Variants in INSR observed in about 807,000 individuals in gnomAD.
The protein encoded by INSR is IR.
In INSR, 67 loss-of-function variants were observed where a neutral mutation model predicts 142.6. That is an observed-to-expected ratio of 0.47 (90% CI 0.39 to 0.58). The LOEUF (loss-of-function observed/expected upper bound fraction) is 0.58. INSR is among the 20% of genes least tolerant of loss of function. The probability of loss-of-function intolerance (pLI) is 0.00; values close to 1 mark genes in which losing one functional copy is unlikely to be tolerated. For missense variants in INSR, 1,248 were observed against 1,833.2 expected, an observed-to-expected ratio of 0.68 and a Z score of 5.83; for synonymous variants, 756 against 743.1, an observed-to-expected ratio of 1.02 and a Z score of -0.28.
At chr19:7,122,478 AC>A in intron 19 of INSR, 135 bp downstream of exon 19, 1 of 936,160 alleles carries the variant, frequency 1.1e-6, no homozygotes, top group Non-Finnish European at 1.6e-6. Flanking sequence ...AACAAAAAAA[AC>A]CCCACAAAAA....
chr19:7,222,069 T>A (rs571664792), intron 2 of INSR, among the ~76,000 whole-genome samples: 2 of 147,924 alleles, frequency 1.4e-5, no homozygotes, highest in Non-Finnish European at 3.0e-5. Flanking sequence ...TGGGAAAGGC[T>A]AAGTCAGAGT....
In INSR at chr19:7,119,663, C is replaced by A. The variant is rs1346793871; in HGVS notation, c.3660-80G>T. The A allele has an allele frequency of 1.9e-5, 28 of 1,482,750 alleles. No individual in the cohort carries two copies. Among genetic ancestry groups the A allele is most frequent in the Non-Finnish European group, 2.6e-5 (28 of 1,073,616 alleles). 91.8% of individuals were successfully genotyped at this position (1,482,750 alleles called of 1,614,324 possible). On this transcript the variant is annotated intron_variant, in intron 20 of 21. Transcript: ENST00000302850. This position sits in a 1 kb window ranked among gnomAD's most constrained non-coding sequence, Gnocchi z 5.2. ...ACGCGCGCGCGCAAACACACACACG[C>A]AAACGCACACACACACGCAAACACA...
chr19:7,206,953 A>G (rs1051673050), intron 2 of INSR, among the ~76,000 whole-genome samples: 6 of 152,162 alleles, frequency 3.9e-5, no homozygotes, highest in African/African-American at 1.4e-4. Context: ...CTAAAAGGGA[A>G]AACACAAAAT....
At chr19:7,184,176 A>T (rs1177650374) in intron 3 of INSR, 140 bp downstream of exon 3, 1 of 744,444 alleles carries the variant, frequency 1.3e-6, no homozygotes. Flanking sequence ...AGGGTGCAAA[A>T]GTAGCATCTG....
chr19:7,142,774 T>C, intron 12 of INSR, 42 bp downstream of exon 12: 1 of 1,610,756 alleles, frequency 6.2e-7, no homozygotes, highest in Non-Finnish European at 8.5e-7. Flanking sequence ...TCAGCCTTGA[T>C]GTCCCACCCA....
At chr19:7,123,146 C>T in intron 17 of INSR, 157 bp from the exon 18 acceptor site, 1 of 645,664 alleles carries the variant, frequency 1.5e-6, no homozygotes, top group Non-Finnish European at 2.8e-6. Context: ...CCTGCCCGGA[C>T]AGCAGACAGA....
intron 2 of INSR, among the ~76,000 whole-genome samples, chr19:7,213,881 C>T (rs900378190): frequency 1.3e-5 from 2 of 151,496 alleles, no homozygotes; most frequent in African/African-American, 2.4e-5. Flanking sequence ...CTCAGCTACG[C>T]GGGAGGGCTG....
chr19:7,140,203 G>A (rs978174679), intron 13 of INSR, among the ~76,000 whole-genome samples: 1 of 152,134 alleles, frequency 6.6e-6, no homozygotes, highest in African/African-American at 2.4e-5. Context: ...TCCCAGGAGG[G>A]GTAGAGGGAG....
intron 2 of INSR, among the ~76,000 whole-genome samples, chr19:7,218,218 TG>T (rs1975496424): frequency 6.6e-6 from 1 of 151,632 alleles, no homozygotes; most frequent in South Asian, 2.1e-4. Context: ...GCAACCAGTG[TG>T]GGGTGGGAGT....
At chr19:7,256,054 C>T (rs1976881754) in intron 2 of INSR, among the ~76,000 whole-genome samples, 1 of 152,116 alleles carries the variant, frequency 6.6e-6, no homozygotes, top group Non-Finnish European at 1.5e-5. Flanking sequence ...TCCTGCTCTA[C>T]AAAATCCAAT....
At chr19:7,292,808 G>A (rs1239475744) in intron 1 of INSR, among the ~76,000 whole-genome samples, 1 of 152,142 alleles carries the variant, frequency 6.6e-6, no homozygotes, top group African/African-American at 2.4e-5. Context: ...CTGCCCACAC[G>A]TGGGAGAGGG....
chr19:7,199,768 T>C (rs764233605), intron 2 of INSR, among the ~76,000 whole-genome samples: 25 of 151,888 alleles, frequency 1.6e-4, no homozygotes. Flanking sequence ...TCTGACACCC[T>C]CTTGGCATTG....
At chr19:7,121,822 A>G (rs971920665) in intron 19 of INSR, among the ~76,000 whole-genome samples, 1 of 152,224 alleles carries the variant, frequency 6.6e-6, no homozygotes, top group Non-Finnish European at 1.5e-5. Flanking sequence ...ATGCAATTAA[A>G]TGACAGCTGG....
intron 2 of INSR, among the ~76,000 whole-genome samples, chr19:7,190,369 GTTTTTT>G (rs34757652): frequency 3.9e-5 from 4 of 102,714 alleles, no homozygotes; most frequent in Admixed American, 2.1e-4. Context: ...TTCTTTGGTG[GTTTTTT>G]TTTTTTTTTT....
rs1973689987 is a variant in INSR at position 7,159,253 on chromosome 19, CA to C, written c.2029+3778del. Reference sequence around the variant, plus strand: ...AGTTCTGTGGTATTAAGTGCATTCACAATGTTGTGCAATCATCACCACCATC... The same window carrying C: ...AGTTCTGTGGTATTAAGTGCATTCACATGTTGTGCAATCATCACCACCATC... On this transcript the variant is annotated intron_variant, in intron 9 of 21. Coordinates refer to ENST00000302850, the MANE Select transcript of INSR (RefSeq NM_000208.4). This position sits in a 1 kb window ranked among gnomAD's most constrained non-coding sequence, Gnocchi z 4.3. Among the ~76,000 whole-genome samples, 1 of 152,038 alleles carries C rather than the reference CA, an allele frequency of 6.6e-6. No homozygotes were observed. The highest frequency in any genetic ancestry group is 2.1e-4 in the South Asian group (1 of 4,820).
chr19:7,121,000 C>CT (rs111619369), intron 19 of INSR, among the ~76,000 whole-genome samples: 40 of 147,342 alleles, frequency 2.7e-4, no homozygotes, highest in South Asian at 4.3e-4. Context: ...CTACATTTTT[C>CT]TTTTTTTTTT....
chr19:7,190,546 ATTT>A (rs1219250117), intron 2 of INSR, among the ~76,000 whole-genome samples: 1 of 151,802 alleles, frequency 6.6e-6, no homozygotes, highest in Non-Finnish European at 1.5e-5. Context: ...TAATTTTTGT[ATTT>A]TTAGTAGAGA....
chr19:7,115,597 T>C lies in INSR; in HGVS notation c.*1459A>G, dbSNP rs960778681. 1.3e-5 allele frequency: 2 copies of C among 152,028 alleles called. No homozygotes were observed. Among genetic ancestry groups the C allele is most frequent in the East Asian group, 3.9e-4 (2 of 5,164 alleles). The allele number at this position is 152,028 out of a possible 1,614,324, so 9.4% of individuals were successfully genotyped here. ...ATGTTCCCAAAGTCCATCCAGGTTG[T>C]TGTGCTTTGGGATCTGACGTTCTTG... On this transcript the variant is annotated 3_prime_UTR_variant, in exon 22 of 22. Transcript: ENST00000302850.
chr19:7,224,703 G>A (rs752593527), intron 2 of INSR, among the ~76,000 whole-genome samples: 5 of 152,352 alleles, frequency 3.3e-5, no homozygotes, highest in East Asian at 1.9e-4. Context: ...GAAATGCACC[G>A]TGGTTATAAA....
Sources: allele counts gnomAD v4.1 joint callset (sites outside exome capture counted in the v4.1 genomes callset), GRCh38; gene constraint gnomAD v4.1.1; non-coding constraint Gnocchi (gnomAD v3.1); transcripts MANE v1.5; gene names NCBI Gene and HGNC (gene_info 2026-07-23, HGNC 2026-07-21).